Variants in DNAH3 observed in about 807,000 individuals in gnomAD.
The protein encoded by DNAH3 is axonemal beta dynein heavy chain 3.
A neutral mutation model predicts 432.5 loss-of-function variants in DNAH3; 332 were observed. That is an observed-to-expected ratio of 0.77 (90% confidence interval 0.70 to 0.84). The LOEUF is 0.84. Ranked by LOEUF, DNAH3 falls within the 40% of genes least tolerant of loss-of-function variation. The pLI, the probability that DNAH3 is intolerant of heterozygous loss-of-function variation, is 0.00. For missense variants in DNAH3, 4,861 were observed against 5,114.0 expected (o/e 0.95, Z 1.51); for synonymous variants, 1,956 against 1,900.2 (o/e 1.03, Z -0.76).
exon 53 of DNAH3, chr16:20,963,534 A>G (rs898256743): frequency 1.9e-6 from 3 of 1,614,028 alleles, no homozygotes; most frequent in Non-Finnish European, 2.5e-6. Flanking sequence ...AGGCCGAGTC[A>G]TAGATCAGCT....
chr16:21,147,599 C>A (rs570830830), intron 1 of DNAH3, among the ~76,000 whole-genome samples: 51 of 152,330 alleles, frequency 3.3e-4, no homozygotes, highest in African/African-American at 1.2e-3. Flanking sequence ...ATTTAACACA[C>A]ACATAAGCAA....
At position 21,141,461 on chromosome 16, in the gene DNAH3, A is replaced by G. The variant is rs58329945; in HGVS notation, c.449-89T>C. 1.1e-3 allele frequency: 1,029 copies of G among 940,170 alleles called. 5 individuals carry two copies. The African/African-American group carries it at 0.014, about 13-fold the overall frequency. 58.2% of individuals were successfully genotyped at this position (940,170 alleles called of 1,614,324 possible). A position where few individuals can be genotyped will look rare whatever the true frequency, so the allele number is the denominator to read the frequency against. On this transcript the variant is annotated intron_variant, in intron 3 of 61. Transcript: ENST00000261383. ...AGGGGCATGACTCTCGGAACAGTCC[A>G]GGAGCACACTAAGGGGAGCGGACAT...
At chr16:20,992,863 T>A (rs1248779579) in intron 44 of DNAH3, among the ~76,000 whole-genome samples, 1 of 152,156 alleles carries the variant, frequency 6.6e-6, no homozygotes, top group Non-Finnish European at 1.5e-5. Flanking sequence ...TTTTTTAGTT[T>A]TTGTTGTTGA....
At chr16:21,140,440 C>T in intron 5 of DNAH3, 96 bp downstream of exon 6, 1 of 1,334,324 alleles carries the variant, frequency 7.5e-7, no homozygotes, top group South Asian at 1.4e-5. Context: ...TCAAACATTT[C>T]CCAGGTGATT....
chr16:21,040,074 C>G, intron 32 of DNAH3, 131 bp from the exon 33 acceptor site: 2 of 765,932 alleles, frequency 2.6e-6, no homozygotes, highest in Non-Finnish European at 4.4e-6. Flanking sequence ...GCAAGAAGGA[C>G]TGGGGGACAA....
At chr16:21,021,756 A>G (rs1217376892) in intron 40 of DNAH3, among the ~76,000 whole-genome samples, 2 of 152,010 alleles carry the variant, frequency 1.3e-5, no homozygotes, top group African/African-American at 4.8e-5. Flanking sequence ...CTAAAAATAC[A>G]AAAAAATAGA....
intron 57 of DNAH3, among the ~76,000 whole-genome samples, chr16:20,945,551 T>C (rs1299701508): frequency 6.6e-6 from 1 of 151,822 alleles, no homozygotes; most frequent in African/African-American, 2.4e-5. Flanking sequence ...AGTGCAGTGG[T>C]ACTATCTTGG....
intron 52 of DNAH3, among the ~76,000 whole-genome samples, chr16:20,968,467 G>A (rs1370711003): frequency 6.6e-6 from 1 of 152,174 alleles, no homozygotes; most frequent in African/African-American, 2.4e-5. Flanking sequence ...AGATTTGGAG[G>A]TGATTTTTAA....
At chr16:21,137,535 G>A (rs2092660954) in intron 5 of DNAH3, among the ~76,000 whole-genome samples, 1 of 151,118 alleles carries the variant, frequency 6.6e-6, no homozygotes. Context: ...CAATTCTCCT[G>A]CCTCAGCCTC....
chr16:21,134,313 T>C, exon 7 of DNAH3: 2 of 1,614,138 alleles, frequency 1.2e-6, no homozygotes, highest in Non-Finnish European at 8.5e-7. Flanking sequence ...CGTGTGCAGA[T>C]GCTCCTCGTT....
chr16:21,026,700 CAAAAAAAAAAAA>C lies in DNAH3; in HGVS notation c.5540+315_5540+326del, dbSNP rs35667454. Among the ~76,000 whole-genome samples the C allele has an allele frequency of 5.9e-4, 28 of 47,808 alleles. No individual in the cohort carries two copies. In the Admixed American group the frequency reaches 6.2e-3, roughly 11 times the overall value. The allele number at this position is 47,808 out of a possible 152,430, so 31.4% of individuals were successfully genotyped here. A position where few individuals can be genotyped will look rare whatever the true frequency, so the allele number is the denominator to read the frequency against. On this transcript the variant is annotated intron_variant, in intron 38 of 61. Coordinates refer to ENST00000261383, the Ensembl canonical transcript of DNAH3. ...TGGGTGACAGAGTGATACTCCGTCT[CAAAAAAAAAAAA>C]AAAAAAAAAAAGAAGGAAATGATAG...
At chr16:21,050,046 G>A (rs756421620) in intron 29 of DNAH3, 28 bp from the exon 30 acceptor site, 2 of 1,508,066 alleles carry the variant, frequency 1.3e-6, no homozygotes, top group Non-Finnish European at 1.8e-6. Flanking sequence ...GAACTTCAGT[G>A]CTTGAGGTCT....
rs1164522634 is a variant in DNAH3 at position 20,987,222 on chromosome 16, G to A, written c.7026+83C>T. The A allele has an allele frequency of 3.2e-6, 5 of 1,547,760 alleles. No homozygotes were observed. The African/African-American group carries it at 4.1e-5, about 13-fold the overall frequency. On this transcript the variant is annotated intron_variant, in intron 47 of 61. Transcript: ENST00000261383. ...GTGCAGAGCTGGCAGTCTCCAACAG[G>A]AAGGGAACCTGAAATCTGAAAGTAA...
At position 21,121,937 on chromosome 16, in the gene DNAH3, T is replaced by G; in HGVS notation, c.1584+8A>C. 1 of 1,602,874 alleles carries G rather than the reference T, an allele frequency of 6.2e-7. No homozygotes were observed. The highest frequency in any genetic ancestry group is 8.5e-7 in the Non-Finnish European group (1 of 1,174,570). On this transcript the variant is annotated splice_region_variant and intron_variant, in intron 10 of 61. Transcript: ENST00000261383. ...TCATGCAAATGAATGATTAAGTGAC[T>G]ACTATACCTTGGGGATCCCATTAGA...
intron 1 of DNAH3, among the ~76,000 whole-genome samples, chr16:21,154,084 C>T (rs545024845): frequency 6.6e-6 from 1 of 152,218 alleles, no homozygotes; most frequent in Non-Finnish European, 1.5e-5. Context: ...CCACCAAAAA[C>T]AGCAACTGTA....
At chr16:21,035,898 T>C (rs1266642944) in intron 35 of DNAH3, among the ~76,000 whole-genome samples, 1 of 152,086 alleles carries the variant, frequency 6.6e-6, no homozygotes, top group Non-Finnish European at 1.5e-5. Flanking sequence ...CTTTGGGAAA[T>C]GATGATGCCA....
At chr16:20,941,118 T>C (rs2083790572) in intron 59 of DNAH3, among the ~76,000 whole-genome samples, 1 of 151,858 alleles carries the variant, frequency 6.6e-6, no homozygotes. Context: ...AAAATGAAAG[T>C]GGCTCTAATG....
chr16:21,117,355 C>G lies in DNAH3; in HGVS notation c.1700-38G>C. On this transcript the variant is annotated intron_variant, in intron 11 of 61. Coordinates refer to ENST00000261383, the Ensembl canonical transcript of DNAH3. ...CAGATTCCACCTGAAGAGTAAACACCACTTTTGCATGTTGCAAGACTTAAG... is the reference window on the plus strand; with the variant it reads ...CAGATTCCACCTGAAGAGTAAACACGACTTTTGCATGTTGCAAGACTTAAG... 1 of 1,404,666 alleles carries G rather than the reference C, an allele frequency of 7.1e-7. No homozygotes were observed. 87.0% of individuals were successfully genotyped at this position (1,404,666 alleles called of 1,614,324 possible). A position where few individuals can be genotyped will look rare whatever the true frequency, so the allele number is the denominator to read the frequency against.
chr16:21,083,676 T>G (rs967702554), intron 19 of DNAH3, among the ~76,000 whole-genome samples: 1 of 151,524 alleles, frequency 6.6e-6, no homozygotes, highest in African/African-American at 2.4e-5. Context: ...GCTTCTAGAC[T>G]TGAGTGCTAC....
Sources: gnomAD v4.1 joint callset for allele counts (sites outside exome capture counted in the v4.1 genomes callset) on GRCh38, gnomAD v4.1.1 for gene constraint, MANE v1.5 for transcripts, NCBI Gene and HGNC (gene_info 2026-07-23, HGNC 2026-07-21) for gene names.